SV2B: variants seen among roughly 807,000 people sequenced by gnomAD.
The protein encoded by SV2B is synaptic vesicle glycoprotein 2B.
Under a neutral mutation model 73.9 loss-of-function variants are expected in SV2B, and 41 were observed. The ratio of observed to expected loss-of-function variants is 0.56; its 90% CI spans 0.43 to 0.72. The LOEUF (loss-of-function observed/expected upper bound fraction) is 0.72. SV2B is among the 30% of genes least tolerant of loss of function. The pLI, the probability that SV2B is intolerant of heterozygous loss-of-function variation, is 0.00. For missense variants in SV2B, 764 were observed against 857.8 expected, an observed-to-expected ratio of 0.89 and a Z score of 1.37; for synonymous variants, 314 against 314.2, an observed-to-expected ratio of 1.00 and a Z score of 0.01.
At chr15:91,204,030 C>G (rs2045552218) in intron 1 of SV2B, among the ~76,000 whole-genome samples, 1 of 152,106 alleles carries the variant, frequency 6.6e-6, no homozygotes, top group Non-Finnish European at 1.5e-5. Flanking sequence ...TAATTGAGCC[C>G]TGGTTGGGTG....
intron 1 of SV2B, among the ~76,000 whole-genome samples, chr15:91,208,709 T>C (rs191555538): frequency 6.6e-6 from 1 of 152,280 alleles, no homozygotes; most frequent in Admixed American, 6.5e-5. Context: ...CAACCCTCTA[T>C]GTAAGAAAGC....
intron 1 of SV2B, among the ~76,000 whole-genome samples, chr15:91,193,116 A>G (rs1318104881): frequency 6.6e-6 from 1 of 152,332 alleles, no homozygotes; most frequent in Non-Finnish European, 1.5e-5. Context: ...TGTTTGCTCA[A>G]TATTGTTCCC....
At chr15:91,279,644 C>T (rs1367573371) in intron 9 of SV2B, among the ~76,000 whole-genome samples, 2 of 152,200 alleles carry the variant, frequency 1.3e-5, no homozygotes, top group Admixed American at 6.5e-5. Context: ...GGGCTGCCTG[C>T]GTCAGACCCA....
Position 91,284,067 on chromosome 15 carries a change from C to T in SV2B, c.1554C>T (p.Thr518=), listed in dbSNP as rs2048774788. Residue 518 remains threonine, a synonymous_variant, in exon 11 of 13, where the codon ACC becomes ACT. Transcript: ENST00000394232. This position sits in a 1 kb window ranked among gnomAD's most constrained non-coding sequence, Gnocchi z 4.5. ...KFINCRFINS[T]FLEQKEGCHM... ...TCAACTGTCGGTTTATCAACTCCAC[C>T]TTCCTGGAGCAGAAGGAGGGCTGCC... is the stretch of plus-strand genomic sequence containing the variant. The T allele has an allele frequency of 6.2e-7, 1 of 1,614,066 alleles. No homozygotes were observed. The highest frequency in any genetic ancestry group is 8.5e-7 in the Non-Finnish European group (1 of 1,180,054).
intron 9 of SV2B, among the ~76,000 whole-genome samples, chr15:91,271,301 G>A (rs1030693502): frequency 4.5e-4 from 68 of 152,202 alleles, no homozygotes; most frequent in African/African-American, 1.5e-3. Context: ...GAAGTTCCCA[G>A]TGTTTAGCAG....
chr15:91,201,311 A>G (rs1473644184), intron 1 of SV2B, among the ~76,000 whole-genome samples: 1 of 152,172 alleles, frequency 6.6e-6, no homozygotes, highest in East Asian at 1.9e-4. Flanking sequence ...ATTGCATGGG[A>G]GCCACTGTTC....
At chr15:91,230,571 G>A (rs1171845394) in intron 2 of SV2B, among the ~76,000 whole-genome samples, 1 of 152,120 alleles carries the variant, frequency 6.6e-6, no homozygotes, top group African/African-American at 2.4e-5. Context: ...GTCTCACTTG[G>A]GGAAGAAAAA....
chr15:91,274,183 A>G (rs1441093736), intron 9 of SV2B, among the ~76,000 whole-genome samples: 1 of 152,180 alleles, frequency 6.6e-6, no homozygotes, highest in African/African-American at 2.4e-5. Flanking sequence ...AAGTGTTGTC[A>G]GGAAGGAATT....
intron 2 of SV2B, among the ~76,000 whole-genome samples, chr15:91,227,000 T>A (rs1218432960): frequency 6.6e-6 from 1 of 152,184 alleles, no homozygotes; most frequent in Non-Finnish European, 1.5e-5. Flanking sequence ...ATGTTAAACC[T>A]TCTTCGATGT....
At chr15:91,271,878 G>A (rs1266559050) in intron 9 of SV2B, among the ~76,000 whole-genome samples, 1 of 152,088 alleles carries the variant, frequency 6.6e-6, no homozygotes, top group Non-Finnish European at 1.5e-5. Context: ...ATCCTTACCA[G>A]TATTCCTCCT....
chr15:91,126,008 A>C (rs1223934308), intron 1 of SV2B, among the ~76,000 whole-genome samples: 2 of 152,040 alleles, frequency 1.3e-5, no homozygotes, highest in African/African-American at 2.4e-5. Context: ...AAGTGCTTTA[A>C]ATGGATTACT....
intron 1 of SV2B, among the ~76,000 whole-genome samples, chr15:91,158,724 C>CCTTCCCT (rs1172009440): frequency 8.8e-5 from 5 of 56,670 alleles, no homozygotes; most frequent in East Asian, 5.0e-4. Context: ...CTCTCCTCTC[C>CCTTCCCT]TCTCTTCTCC....
chr15:91,278,368 T>G (rs2048562977), intron 9 of SV2B, among the ~76,000 whole-genome samples: 1 of 151,756 alleles, frequency 6.6e-6, no homozygotes, highest in Non-Finnish European at 1.5e-5. Context: ...ACAGGTTGGG[T>G]GAAGGCCTGA....
intron 1 of SV2B, among the ~76,000 whole-genome samples, chr15:91,185,378 T>A (rs1225661916): frequency 6.6e-6 from 1 of 152,280 alleles, no homozygotes; most frequent in Non-Finnish European, 1.5e-5. Context: ...TATTTTGACA[T>A]GATATGGATG....
At chr15:91,120,357 C>A (rs2042297694) in intron 1 of SV2B, among the ~76,000 whole-genome samples, 3 of 152,336 alleles carry the variant, frequency 2.0e-5, no homozygotes, top group East Asian at 3.9e-4. Context: ...AACACACTCA[C>A]TATCGTGAAA....
chr15:91,135,183 A>G (rs1012347724), intron 1 of SV2B, among the ~76,000 whole-genome samples: 11 of 152,228 alleles, frequency 7.2e-5, no homozygotes, highest in Non-Finnish European at 1.2e-4. Flanking sequence ...TATACCGTGT[A>G]TCTTTTTATG....
At chr15:91,219,646 C>A (rs1475938706) in intron 1 of SV2B, among the ~76,000 whole-genome samples, 1 of 152,014 alleles carries the variant, frequency 6.6e-6, no homozygotes, top group African/African-American at 2.4e-5. Flanking sequence ...ACCATAAAAT[C>A]CACTCATTGT....
At chr15:91,182,597 C>G (rs2044622755) in intron 1 of SV2B, among the ~76,000 whole-genome samples, 1 of 152,114 alleles carries the variant, frequency 6.6e-6, no homozygotes, top group African/African-American at 2.4e-5. Context: ...TACCAGGAGC[C>G]CACACAGCCA....
Position 91,124,644 on chromosome 15 carries a change from C to G in SV2B, c.-392+24281C>G, listed in dbSNP as rs1213551311. On this transcript the variant is annotated intron_variant, in intron 1 of 12. Transcript: ENST00000394232. The surrounding 1 kb of genome is among the most constrained non-coding windows in gnomAD (Gnocchi z 4.6). ...CGGGTGATCTAAACAACAGAAATTT[C>G]TTTCTTTCAACAAAAATTTTTTTTT... Among the ~76,000 whole-genome samples the G allele has an allele frequency of 2.0e-5, 3 of 152,018 alleles. No homozygotes were observed. The highest frequency in any genetic ancestry group is 1.3e-4 in the Admixed American group (2 of 15,260).
Sources: gnomAD v4.1 joint callset for allele counts (sites outside exome capture counted in the v4.1 genomes callset) on GRCh38, gnomAD v4.1.1 for gene constraint, Gnocchi (gnomAD v3.1) non-coding constraint, MANE v1.5 for transcripts, NCBI Gene and HGNC (gene_info 2026-07-23, HGNC 2026-07-21) for gene names.